The following DLG2 variants were observed in gnomAD, a reference collection of about 807,000 sequenced individuals.
DLG2 encodes the protein disks large homolog 2.
A neutral mutation model predicts 132.5 loss-of-function variants in DLG2; 45 were observed. That is an observed-to-expected ratio of 0.34 (90% CI 0.27 to 0.44). The LOEUF (loss-of-function observed/expected upper bound fraction) is 0.44, where lower values mean the gene tolerates loss of function less well. Ranked by LOEUF, DLG2 falls within the 20% of genes least tolerant of loss-of-function variation. The pLI, the probability that DLG2 is intolerant of heterozygous loss-of-function variation, is 1.00. For synonymous variants in DLG2, 424 were observed against 419.6 expected, an observed-to-expected ratio of 1.01 and a Z score of -0.13; for missense variants, 1,045 against 1,196.9, an observed-to-expected ratio of 0.87 and a Z score of 1.87.
chr11:85,301,011 G>C (rs2079553110), intron 3 of DLG2, among the ~76,000 whole-genome samples: 1 of 152,102 alleles, frequency 6.6e-6, no homozygotes, highest in Admixed American at 6.6e-5. Context: ...GACCATCCTG[G>C]CCAACAAGAC....
At chr11:84,397,612 G>C (rs2098815238) in intron 7 of DLG2, among the ~76,000 whole-genome samples, 2 of 152,204 alleles carry the variant, frequency 1.3e-5, no homozygotes, top group South Asian at 4.1e-4. Context: ...AATGGAAGGA[G>C]CAGAGGTTTC....
intron 3 of DLG2, among the ~76,000 whole-genome samples, chr11:85,299,444 T>C (rs1209797747): frequency 6.6e-6 from 1 of 152,228 alleles, no homozygotes; most frequent in Non-Finnish European, 1.5e-5. Flanking sequence ...GGACCATGAC[T>C]CAGCAGTTCC....
intron 10 of DLG2, among the ~76,000 whole-genome samples, chr11:84,063,865 C>A (rs7936570): frequency 0.8 from 120,110 of 150,372 alleles, 48,953 homozygotes; most frequent in Middle Eastern, 0.92. Context: ...TCACAAGGAC[C>A]AAAAACCAAA....
intron 26 of DLG2, among the ~76,000 whole-genome samples, chr11:83,463,141 G>A (rs2090350103): frequency 6.6e-6 from 1 of 151,980 alleles, no homozygotes; most frequent in South Asian, 2.1e-4. Flanking sequence ...TTAAGGCTGT[G>A]TATTTAACGA....
chr11:83,553,900 T>TC (rs1491217122), intron 19 of DLG2, among the ~76,000 whole-genome samples: 4 of 135,746 alleles, frequency 2.9e-5, no homozygotes, highest in African/African-American at 5.9e-5. Context: ...TTTTTTTTTC[T>TC]TTTTTTTTTT....
chr11:84,736,004 CTCTTA>C (rs1244223156), intron 6 of DLG2, among the ~76,000 whole-genome samples: 2 of 151,830 alleles, frequency 1.3e-5, no homozygotes, highest in Non-Finnish European at 2.9e-5. Context: ...AGATGTTCTT[CTCTTA>C]TTTCTTCTAG....
intron 19 of DLG2, among the ~76,000 whole-genome samples, chr11:83,605,505 T>C (rs2059215292): frequency 6.6e-6 from 1 of 152,226 alleles, no homozygotes; most frequent in Non-Finnish European, 1.5e-5. Context: ...GCAACAACGA[T>C]TGATTACTAA....
chr11:84,401,719 A>C (rs1367326671), intron 7 of DLG2, among the ~76,000 whole-genome samples: 3 of 152,172 alleles, frequency 2.0e-5, no homozygotes, highest in African/African-American at 7.2e-5. Flanking sequence ...TTTGAAGAGA[A>C]CTGAGTCATC....
chr11:84,646,939 C>T (rs78666264), intron 6 of DLG2, among the ~76,000 whole-genome samples: 2,135 of 152,202 alleles, frequency 0.014, 29 homozygotes, highest in Non-Finnish European at 0.024. Context: ...TCTCTGTCAT[C>T]AAAGGGCTTA....
chr11:84,708,002 G>A (rs1351465420), intron 6 of DLG2, among the ~76,000 whole-genome samples: 1 of 151,746 alleles, frequency 6.6e-6, no homozygotes, highest in African/African-American at 2.4e-5. Context: ...AAACCCAAGT[G>A]CCACGACTTT....
chr11:85,416,053 G>C (rs1400608704), intron 3 of DLG2, among the ~76,000 whole-genome samples: 1 of 152,158 alleles, frequency 6.6e-6, no homozygotes, highest in South Asian at 2.1e-4. Flanking sequence ...TTTGTAAAAG[G>C]TGTAAGGACG....
intron 11 of DLG2, among the ~76,000 whole-genome samples, chr11:84,030,790 C>A (rs1475537351): frequency 1.3e-5 from 2 of 152,068 alleles, no homozygotes; most frequent in African/African-American, 2.4e-5. Flanking sequence ...TGGAGAGGAG[C>A]TGGAATTCTT....
chr11:85,465,811 G>A (rs1311982585), intron 3 of DLG2, among the ~76,000 whole-genome samples: 1 of 151,634 alleles, frequency 6.6e-6, no homozygotes, highest in Non-Finnish European at 1.5e-5. Context: ...AATCCTTTGG[G>A]TATATACCGA....
At chr11:84,996,752 C>G (rs2057689601) in intron 6 of DLG2, among the ~76,000 whole-genome samples, 3 of 152,158 alleles carry the variant, frequency 2.0e-5, no homozygotes, top group Non-Finnish European at 4.4e-5. Context: ...TGATTTACAG[C>G]AACATGGACT....
At chr11:83,689,214 T>C (rs2080398457) in intron 18 of DLG2, among the ~76,000 whole-genome samples, 2 of 152,248 alleles carry the variant, frequency 1.3e-5, no homozygotes, top group African/African-American at 4.8e-5. Context: ...GGATGAGTCT[T>C]AAGCTGGGTC....
chr11:83,690,014 T>G (rs1411244246), intron 18 of DLG2, among the ~76,000 whole-genome samples: 3 of 145,432 alleles, frequency 2.1e-5, no homozygotes, highest in Non-Finnish European at 4.5e-5. Flanking sequence ...TATTATAATA[T>G]TTAATAAATA....
At chr11:85,018,936 G>A (rs1329582887) in intron 6 of DLG2, among the ~76,000 whole-genome samples, 1 of 151,976 alleles carries the variant, frequency 6.6e-6, no homozygotes, top group African/African-American at 2.4e-5. Context: ...ACTTTTTCTA[G>A]AGGATGCATT....
intron 7 of DLG2, among the ~76,000 whole-genome samples, chr11:84,501,573 A>G (rs879374825): frequency 2.6e-5 from 4 of 152,228 alleles, no homozygotes; most frequent in Admixed American, 6.5e-5. Context: ...TCTAAAAAAA[A>G]GAAGAAAAAA....
At chr11:84,499,528 C>T (rs948474938) in intron 7 of DLG2, among the ~76,000 whole-genome samples, 1 of 152,176 alleles carries the variant, frequency 6.6e-6, no homozygotes, top group South Asian at 2.1e-4. Context: ...AACTGCTATA[C>T]TAAACTAAAA....
Sources: allele counts gnomAD v4.1 joint callset (sites outside exome capture counted in the v4.1 genomes callset), GRCh38; gene constraint gnomAD v4.1.1; transcripts MANE v1.5; gene names NCBI Gene and HGNC (gene_info 2026-07-23, HGNC 2026-07-21).